CTNNBL1: variants seen among roughly 807,000 people sequenced by gnomAD.
The protein encoded by CTNNBL1 is beta-catenin-like protein 1.
Under a neutral mutation model 72.7 loss-of-function variants are expected in CTNNBL1, and 31 were observed. That is an observed-to-expected ratio of 0.43 (90% CI 0.32 to 0.58). CTNNBL1 has a LOEUF of 0.58. Ranked by LOEUF, CTNNBL1 falls within the 20% of genes least tolerant of loss-of-function variation. The pLI is 0.08. For synonymous variants in CTNNBL1, 240 were observed against 267.3 expected (o/e 0.90, Z 1.00); for missense variants, 534 against 725.1 (o/e 0.74, Z 3.03).
intron 15 of CTNNBL1, among the ~76,000 whole-genome samples, chr20:37,866,520 G>A (rs1568819006): frequency 1.3e-5 from 2 of 152,210 alleles, no homozygotes; most frequent in Non-Finnish European, 2.9e-5. Context: ...GTGAAGTGCT[G>A]TATGTACAGT....
intron 10 of CTNNBL1, among the ~76,000 whole-genome samples, chr20:37,799,898 G>C (rs2073809652): frequency 6.6e-6 from 1 of 152,172 alleles, no homozygotes. Context: ...TCTGGGATGT[G>C]TTACTTTCAG....
chr20:37,798,398 A>G (rs2073796947), intron 10 of CTNNBL1, among the ~76,000 whole-genome samples: 1 of 152,232 alleles, frequency 6.6e-6, no homozygotes, highest in Non-Finnish European at 1.5e-5. Context: ...TATAGAGGCT[A>G]GCATTCACAT....
At chr20:37,841,549 G>A (rs1355714654) in intron 12 of CTNNBL1, among the ~76,000 whole-genome samples, 1 of 152,160 alleles carries the variant, frequency 6.6e-6, no homozygotes, top group Non-Finnish European at 1.5e-5. Flanking sequence ...CATGTTGCAG[G>A]AACATCACCT....
At chr20:37,841,629 C>T (rs562792620) in intron 12 of CTNNBL1, among the ~76,000 whole-genome samples, 1 of 152,244 alleles carries the variant, frequency 6.6e-6, no homozygotes, top group African/African-American at 2.4e-5. Flanking sequence ...TGGTGCCAAC[C>T]TGATAAAAAG....
In CTNNBL1 at chr20:37,694,066, G is replaced by C. The variant is rs1042937013; in HGVS notation, c.-57G>C. ...CAGTGTGGCTGGAGCCGCGGCTGAC[G>C]GGCCCGCGGTCTGGGCGTGAGTGCA... On this transcript the variant is annotated 5_prime_UTR_variant, in exon 1 of 16. Coordinates refer to ENST00000361383, the MANE Select transcript of CTNNBL1 (RefSeq NM_030877.5). 7.0e-6 allele frequency: 11 copies of C among 1,576,078 alleles called. No homozygotes were observed. Among genetic ancestry groups the C allele is most frequent in the Non-Finnish European group, 9.5e-6 (11 of 1,160,486 alleles).
At chr20:37,754,227 A>C (rs1358162309) in intron 4 of CTNNBL1, among the ~76,000 whole-genome samples, 1 of 151,712 alleles carries the variant, frequency 6.6e-6, no homozygotes, top group Non-Finnish European at 1.5e-5. Context: ...GCATTATTGC[A>C]TGCTGATTTA....
chr20:37,835,299 A>G (rs1460141719), intron 11 of CTNNBL1, among the ~76,000 whole-genome samples: 1 of 152,180 alleles, frequency 6.6e-6, no homozygotes, highest in Non-Finnish European at 1.5e-5. Flanking sequence ...CCATAATTGC[A>G]CAAGCCCATC....
chr20:37,851,657 G>A (rs1244121602), intron 13 of CTNNBL1, among the ~76,000 whole-genome samples: 1 of 152,024 alleles, frequency 6.6e-6, no homozygotes, highest in East Asian at 1.9e-4. Context: ...TGAGCTTTTT[G>A]GCCTTAGGAG....
chr20:37,833,382 G>A (rs1410983510), intron 11 of CTNNBL1, among the ~76,000 whole-genome samples: 1 of 152,228 alleles, frequency 6.6e-6, no homozygotes, highest in Non-Finnish European at 1.5e-5. Flanking sequence ...AGTAGTTAGT[G>A]TCTGTCTGAG....
chr20:37,822,662 A>G (rs1839686370), intron 11 of CTNNBL1, among the ~76,000 whole-genome samples: 1 of 152,200 alleles, frequency 6.6e-6, no homozygotes, highest in African/African-American at 2.4e-5. Flanking sequence ...TTAGGATGGT[A>G]GGGAGAAAGC....
intron 11 of CTNNBL1, among the ~76,000 whole-genome samples, chr20:37,805,345 C>A (rs948302806): frequency 2.6e-5 from 4 of 152,094 alleles, no homozygotes; most frequent in Non-Finnish European, 4.4e-5. Context: ...TTTCTCCACC[C>A]TGTCTGCCTG....
intron 1 of CTNNBL1, 96 bp downstream of exon 1, chr20:37,694,248 C>A (rs918205018): frequency 6.1e-6 from 7 of 1,145,316 alleles, no homozygotes; most frequent in Admixed American, 3.6e-5. Flanking sequence ...TCGCCTCACT[C>A]CCGGGCCCTC....
At chr20:37,760,223 C>CT (rs1401586370) in intron 5 of CTNNBL1, among the ~76,000 whole-genome samples, 3 of 152,196 alleles carry the variant, frequency 2.0e-5, no homozygotes, top group Non-Finnish European at 4.4e-5. Flanking sequence ...TGGCAATTCT[C>CT]TGGCTTACCT....
At chr20:37,709,046 A>T (rs539520019) in intron 1 of CTNNBL1, among the ~76,000 whole-genome samples, 1 of 152,268 alleles carries the variant, frequency 6.6e-6, no homozygotes, top group Non-Finnish European at 1.5e-5. Context: ...CTGAGACAGG[A>T]GAATTGCTTG....
chr20:37,843,750 A>AT (rs1247501097), intron 13 of CTNNBL1, among the ~76,000 whole-genome samples: 1 of 152,240 alleles, frequency 6.6e-6, no homozygotes, highest in African/African-American at 2.4e-5. Context: ...CTTGGCTAGT[A>AT]TCATTCATGA....
intron 5 of CTNNBL1, among the ~76,000 whole-genome samples, chr20:37,758,791 TCC>T (rs2073388144): frequency 6.6e-6 from 1 of 152,226 alleles, no homozygotes; most frequent in African/African-American, 2.4e-5. Context: ...CAAAGATTAC[TCC>T]AGCCACTAGT....
At chr20:37,726,772 G>A (rs2073088573) in intron 1 of CTNNBL1, among the ~76,000 whole-genome samples, 1 of 151,966 alleles carries the variant, frequency 6.6e-6, no homozygotes, top group African/African-American at 2.4e-5. Context: ...CCCTTTCTTA[G>A]CCAGGGAACT....
chr20:37,725,078 T>A (rs1306451972), intron 1 of CTNNBL1, among the ~76,000 whole-genome samples: 1 of 151,952 alleles, frequency 6.6e-6, no homozygotes, highest in Non-Finnish European at 1.5e-5. Flanking sequence ...GCTAATTTTT[T>A]AAATTTTTTA....
At chr20:37,870,643 C>T (rs538416037) in intron 15 of CTNNBL1, among the ~76,000 whole-genome samples, 2 of 152,320 alleles carry the variant, frequency 1.3e-5, no homozygotes, top group South Asian at 2.1e-4. Flanking sequence ...ATCTCCTTTC[C>T]CTGCCTTTGC....
Sources: allele counts gnomAD v4.1 joint callset (sites outside exome capture counted in the v4.1 genomes callset), GRCh38; gene constraint gnomAD v4.1.1; transcripts MANE v1.5; gene names NCBI Gene and HGNC (gene_info 2026-07-23, HGNC 2026-07-21).